TBX3: variants seen among roughly 807,000 people sequenced by gnomAD.
TBX3 encodes the protein T-box transcription factor TBX3.
A neutral mutation model predicts 47.8 loss-of-function variants in TBX3; 11 were observed. That is an observed-to-expected ratio of 0.23 (90% CI 0.14 to 0.38). The LOEUF is 0.38. Among genes scored for constraint, TBX3 ranks in the 10% least tolerant of loss-of-function variants. The probability of loss-of-function intolerance (pLI) is 1.00; values close to 1 mark genes in which losing one functional copy is unlikely to be tolerated. For missense variants in TBX3, 927 were observed against 1,022.8 expected, an observed-to-expected ratio of 0.91 and a Z score of 1.28; for synonymous variants, 500 against 449.3, an observed-to-expected ratio of 1.11 and a Z score of -1.43.
chr12:114,681,295 G>T, intron 1 of TBX3, 149 bp from the exon 2 acceptor site: 1 of 1,155,366 alleles, frequency 8.7e-7, no homozygotes, highest in Non-Finnish European at 1.2e-6. Flanking sequence ...GAGGCAACTG[G>T]TTGCAAAATC....
At chr12:114,679,977 A>G in intron 2 of TBX3, 2 of 1,614,148 alleles carry the variant, frequency 1.2e-6, no homozygotes, top group Non-Finnish European at 1.7e-6. Context: ...CAAAGTCTTA[A>G]AAGATAGAGA....
chr12:114,680,749 C>T lies in TBX3; in HGVS notation c.657+130G>A, dbSNP rs528192821. 43 of 1,344,538 alleles carry T rather than the reference C, an allele frequency of 3.2e-5. 1 individual carries two copies. In the East Asian group the frequency reaches 3.9e-4, roughly 12 times the overall value. 83.3% of individuals were successfully genotyped at this position (1,344,538 alleles called of 1,614,324 possible). On this transcript the variant is annotated intron_variant, in intron 2 of 6. Transcript: ENST00000349155. The stretch of plus-strand genomic sequence containing the variant: ...AAACACCCCGAATCCTTTTTCCAGA[C>T]GAGGACAAGTTTGCTATGCTTAGGG...
chr12:114,679,547 G>A lies in TBX3; in HGVS notation c.762C>T (p.Pro254=), dbSNP rs201747792. 98 of 1,613,968 alleles carry A rather than the reference G, an allele frequency of 6.1e-5. No individual in the cohort carries two copies. Among genetic ancestry groups the A allele is most frequent in the Admixed American group, 8.3e-5 (5 of 59,994 alleles). ...CAGTCACAGCGATGAATTCAGTTTC[G>A]GGGAACAAGTATGTCCGAAATGTAC... The part of the protein sequence containing the change: ...PYSTFRTYLF[P]ETEFIAVTAY... The change falls in exon 3 of 7, where the codon CCC becomes CCT. Residue 254 remains proline, a synonymous_variant. Transcript: ENST00000349155.
intron 4 of TBX3, 103 bp downstream of exon 4, chr12:114,677,477 G>A (rs766043692): frequency 4.2e-5 from 47 of 1,119,514 alleles, no homozygotes; most frequent in Non-Finnish European, 2.7e-5. Context: ...ATTTCCACCC[G>A]CTCTTAGGAT....
chr12:114,679,223 G>A lies in TBX3; in HGVS notation c.804+282C>T, dbSNP rs111800750. Among the ~76,000 whole-genome samples, 29 of 152,082 alleles carry A rather than the reference G, an allele frequency of 1.9e-4. No homozygotes were observed. In the East Asian group the frequency reaches 4.5e-3, roughly 23 times the overall value. ...AAAACAGACAGGACAAAGCCCAAGA[G>A]GGGGGGAGGAGTGGGTGGCATCAAT... On this transcript the variant is annotated intron_variant, in intron 3 of 6. Coordinates refer to ENST00000349155, the MANE Select transcript of TBX3 (RefSeq NM_005996.4).
rs990374366 is a variant in TBX3, at chr12:114,671,075, C to T, written c.*766G>A. ...AAATTCATTTTATGTGTTTTGCCCACTCCTTCCCTTTAAATCCCCCCCTCC... is the reference window on the plus strand; with the variant it reads ...AAATTCATTTTATGTGTTTTGCCCATTCCTTCCCTTTAAATCCCCCCCTCC... On this transcript the variant is annotated 3_prime_UTR_variant, in exon 7 of 7. Transcript: ENST00000349155. The T allele has an allele frequency of 4.8e-6, 1 of 208,084 alleles. No individual in the cohort carries two copies. Among genetic ancestry groups the T allele is most frequent in the African/African-American group, 2.3e-5 (1 of 43,930 alleles). 12.9% of individuals were successfully genotyped at this position (208,084 alleles called of 1,614,324 possible).
rs370501220 is a variant in TBX3 at position 114,672,319 on chromosome 12, G to C, written c.1711-17C>G. 11 of 1,519,316 alleles carry C rather than the reference G, an allele frequency of 7.2e-6. No individual in the cohort carries two copies. Among genetic ancestry groups the C allele is most frequent in the Admixed American group, 2.3e-5 (1 of 43,180 alleles). The allele number at this position is 1,519,316 out of a possible 1,614,324, so 94.1% of individuals were successfully genotyped here. A position where few individuals can be genotyped will look rare whatever the true frequency, so the allele number is the denominator to read the frequency against. ...GGCCAGGCCCTGGGGTGAGAAAAGA[G>C]ACACACAGCGAGTCAGCCGGGTGGG... is the stretch of plus-strand genomic sequence containing the variant. On this transcript the variant is annotated splice_polypyrimidine_tract_variant and intron_variant, in intron 6 of 6. Transcript: ENST00000349155.
rs989592637 is a variant in TBX3 at position 114,681,286 on chromosome 12, A to T, written c.390-140T>A. ...TGATAAGCTTACATGTTTCAGAGTG[A>T]GGCAACTGGTTGCAAAATCGTTTTC... On this transcript the variant is annotated intron_variant, in intron 1 of 6. Coordinates refer to ENST00000349155, the MANE Select transcript of TBX3 (RefSeq NM_005996.4). The T allele has an allele frequency of 4.8e-6, 6 of 1,239,824 alleles. No individual in the cohort carries two copies. The African/African-American group carries it at 7.6e-5, about 16-fold the overall frequency. The allele number at this position is 1,239,824 out of a possible 1,614,324, so 76.8% of individuals were successfully genotyped here.
chr12:114,682,975 T>C lies in TBX3; in HGVS notation c.226A>G (p.Ile76Val). 1 of 1,614,126 alleles carries C rather than the reference T, an allele frequency of 6.2e-7. No individual in the cohort carries two copies. Among genetic ancestry groups the C allele is most frequent in the Non-Finnish European group, 8.5e-7 (1 of 1,180,040 alleles). Residue 76 changes from isoleucine to valine, a missense_variant, in exon 1 of 7, where the codon ATC (isoleucine) becomes GTC (valine). Around this residue, in one of 5 missense-constraint regions of TBX3, gnomAD observed 216 missense variants for 281.2 expected, o/e 0.77. Coordinates refer to ENST00000349155, the MANE Select transcript of TBX3 (RefSeq NM_005996.4). ...DQLVGAAETGIPFSSLGPQAH... is the reference protein window; with the variant it reads ...DQLVGAAETGVPFSSLGPQAH... ...TGGGGCCCCAGGGAGGAGAACGGGA[T>C]GCCGGTCTCGGCCGCCCCCACCAAT...
intron 2 of TBX3, chr12:114,680,153 C>A (rs1000081459): frequency 1.4e-5 from 9 of 648,852 alleles, no homozygotes; most frequent in Non-Finnish European, 2.5e-5. Flanking sequence ...AAGATATTTC[C>A]GCGCCATTCG....
Position 114,683,337 on chromosome 12 carries a change from GA to G in TBX3, c.-138del. On this transcript the variant is annotated 5_prime_UTR_variant, in exon 1 of 7. Transcript: ENST00000349155. The surrounding 1 kb of genome is among the most constrained non-coding windows in gnomAD (Gnocchi z 7.7). The stretch of plus-strand genomic sequence containing the variant: ...AGCAAAACAAAAAAGAAAGAAAAAA[GA>G]AAAGGAGGCAGAAATCACAACTAAT... The G allele has an allele frequency of 2.4e-6, 3 of 1,226,184 alleles. No homozygotes were observed. The highest frequency in any genetic ancestry group is 3.4e-6 in the Non-Finnish European group (3 of 890,670). The allele number at this position is 1,226,184 out of a possible 1,614,324, so 76.0% of individuals were successfully genotyped here. A position where few individuals can be genotyped will look rare whatever the true frequency, so the allele number is the denominator to read the frequency against.
rs1868766714 is a variant in TBX3 at position 114,677,676 on chromosome 12, C to T, written c.805-20G>A. 1.9e-6 allele frequency: 3 copies of T among 1,608,420 alleles called. No homozygotes were observed. The highest frequency in any genetic ancestry group is 3.3e-4 in the Middle Eastern group (2 of 6,048). On this transcript the variant is annotated intron_variant, in intron 3 of 6. Coordinates refer to ENST00000349155, the MANE Select transcript of TBX3 (RefSeq NM_005996.4). Reference sequence around the variant, plus strand: ...GGTTATCTATTGGAAGAGACACAAGCAAGACAGAGACATTGTTCTCATTTT... The same window carrying T: ...GGTTATCTATTGGAAGAGACACAAGTAAGACAGAGACATTGTTCTCATTTT...
At chr12:114,680,196 C>T (rs1247793296) in intron 2 of TBX3, 3 of 580,800 alleles carry the variant, frequency 5.2e-6, no homozygotes, top group Non-Finnish European at 9.2e-6. Context: ...CTGCTTACTC[C>T]TTGCTTATCA....
At chr12:114,679,358 C>A in intron 3 of TBX3, 147 bp downstream of exon 3, 1 of 1,144,212 alleles carries the variant, frequency 8.7e-7, no homozygotes, top group Non-Finnish European at 1.3e-6. Flanking sequence ...GTGTCATTGT[C>A]CTTTCCCCCC....
chr12:114,679,707 G>A lies in TBX3; in HGVS notation c.658-56C>T, dbSNP rs1868847203. On this transcript the variant is annotated intron_variant, in intron 2 of 6. Transcript: ENST00000349155. ...AAAACAAGGATTTAGCAGAACAAAC[G>A]GGATCTTAGGACCCCTGCCAGGCTG... is the stretch of plus-strand genomic sequence containing the variant. The A allele has an allele frequency of 3.0e-5, 49 of 1,611,514 alleles. 2 individuals are homozygous for A. The South Asian group carries it at 4.9e-4, about 16-fold the overall frequency.
In TBX3 at chr12:114,671,660, C is replaced by T; in HGVS notation, c.*181G>A. Reference sequence around the variant, plus strand: ...TGATCCAGATCCCGGACATATAAACCACGCCAAGAAGACAGGGGCTGTCTC... The same window carrying T: ...TGATCCAGATCCCGGACATATAAACTACGCCAAGAAGACAGGGGCTGTCTC... On this transcript the variant is annotated 3_prime_UTR_variant, in exon 7 of 7. Transcript: ENST00000349155. 1 of 753,238 alleles carries T rather than the reference C, an allele frequency of 1.3e-6. No homozygotes were observed. 46.7% of individuals were successfully genotyped at this position (753,238 alleles called of 1,614,324 possible).
Position 114,683,340 on chromosome 12 carries a change from A to C in TBX3, c.-140T>G. 8.4e-7 allele frequency: 1 copy of C among 1,188,544 alleles called. No individual in the cohort carries two copies. The highest frequency in any genetic ancestry group is 1.2e-6 in the Non-Finnish European group (1 of 859,672). 73.6% of individuals were successfully genotyped at this position (1,188,544 alleles called of 1,614,324 possible). On this transcript the variant is annotated 5_prime_UTR_variant, in exon 1 of 7. Coordinates refer to ENST00000349155, the MANE Select transcript of TBX3 (RefSeq NM_005996.4). This position sits in a 1 kb window ranked among gnomAD's most constrained non-coding sequence, Gnocchi z 7.7. The stretch of plus-strand genomic sequence containing the variant: ...AAAACAAAAAAGAAAGAAAAAAGAA[A>C]AGGAGGCAGAAATCACAACTAATGC...
intron 3 of TBX3, among the ~76,000 whole-genome samples, chr12:114,679,292 G>GT (rs1176297947): frequency 3.9e-5 from 6 of 152,006 alleles, no homozygotes; most frequent in Admixed American, 3.3e-4. Context: ...TTAGTATGGC[G>GT]TTTTTTTGCT....
At chr12:114,676,152 A>C (rs1361920999) in intron 5 of TBX3, among the ~76,000 whole-genome samples, 161 bp downstream of exon 5, 4 of 152,312 alleles carry the variant, frequency 2.6e-5, no homozygotes, top group Non-Finnish European at 5.9e-5. Context: ...AAGGGGAGAC[A>C]CACCTGATAG....
Sources: allele counts gnomAD v4.1 joint callset (sites outside exome capture counted in the v4.1 genomes callset), GRCh38; gene constraint gnomAD v4.1.1; regional missense constraint gnomAD v4.1.1; non-coding constraint Gnocchi (gnomAD v3.1); transcripts MANE v1.5; gene names NCBI Gene and HGNC (gene_info 2026-07-23, HGNC 2026-07-21).